The following DLC1 variants were observed in gnomAD, a reference collection of about 807,000 sequenced individuals.
DLC1 encodes the protein rho GTPase-activating protein 7.
A neutral mutation model predicts 140.3 loss-of-function variants in DLC1; 54 were observed. The observed-to-expected ratio is 0.38, with a 90% CI of 0.31 to 0.48. The LOEUF (loss-of-function observed/expected upper bound fraction) is 0.48, where lower values mean the gene tolerates loss of function less well. Among genes scored for constraint, DLC1 ranks in the 20% least tolerant of loss-of-function variants. The pLI, the probability that DLC1 is intolerant of heterozygous loss-of-function variation, is 0.96. For missense variants in DLC1, 2,536 were observed against 1,907.0 expected (o/e 1.33, Z -6.14); for synonymous variants, 986 against 728.1 (o/e 1.35, Z -5.70).
chr8:13,130,646 T>A (rs746660256), intron 5 of DLC1, among the ~76,000 whole-genome samples: 30 of 152,376 alleles, frequency 2.0e-4, no homozygotes, highest in Non-Finnish European at 5.9e-5. Flanking sequence ...TAATTGCTCA[T>A]CTATTCACTG....
At chr8:13,541,659 C>G (rs975278427) in intron 1 of DLC1, among the ~76,000 whole-genome samples, 7 of 152,156 alleles carry the variant, frequency 4.6e-5, no homozygotes, top group Non-Finnish European at 1.0e-4. Flanking sequence ...ATGCCATTCT[C>G]CAGCCTCAGC....
intron 6 of DLC1, among the ~76,000 whole-genome samples, chr8:13,112,923 T>A (rs1248220514): frequency 6.6e-6 from 1 of 152,096 alleles, no homozygotes; most frequent in Non-Finnish European, 1.5e-5. Flanking sequence ...ATTTACAGAG[T>A]ATAATATCAG....
chr8:13,276,254 C>G, intron 5 of DLC1: 1 of 1,535,346 alleles, frequency 6.5e-7, no homozygotes, highest in East Asian at 2.5e-5. Context: ...TCCCCCTCTG[C>G]CTCTCACCTG....
chr8:13,453,842 T>A (rs1215848882), intron 2 of DLC1, among the ~76,000 whole-genome samples: 1 of 151,976 alleles, frequency 6.6e-6, no homozygotes, highest in East Asian at 1.9e-4. Context: ...AGGATGTAAA[T>A]GTTTCTGATT....
chr8:13,129,266 G>A (rs762625121), intron 5 of DLC1, among the ~76,000 whole-genome samples: 10 of 152,182 alleles, frequency 6.6e-5, no homozygotes, highest in Non-Finnish European at 1.5e-4. Context: ...TCATCCATAT[G>A]CAAAGGCCAC....
chr8:13,551,868 A>ATG (rs1563435788), intron 1 of DLC1, among the ~76,000 whole-genome samples: 2 of 112,720 alleles, frequency 1.8e-5, no homozygotes, highest in African/African-American at 3.5e-5. Flanking sequence ...AAGTGTGTGT[A>ATG]TATATATATA....
chr8:13,101,345 T>C (rs1427032784), intron 8 of DLC1, among the ~76,000 whole-genome samples: 2 of 152,232 alleles, frequency 1.3e-5, no homozygotes, highest in Non-Finnish European at 2.9e-5. Context: ...TAATTGCTCA[T>C]AGAGGAAACC....
chr8:13,279,496 A>C (rs1257140688), intron 5 of DLC1, among the ~76,000 whole-genome samples: 1 of 152,210 alleles, frequency 6.6e-6, no homozygotes, highest in Non-Finnish European at 1.5e-5. Flanking sequence ...GCATAAATGT[A>C]AATTTTCTTG....
intron 5 of DLC1, among the ~76,000 whole-genome samples, chr8:13,211,172 T>G (rs1299932021): frequency 6.6e-6 from 1 of 152,122 alleles, no homozygotes; most frequent in Non-Finnish European, 1.5e-5. Context: ...GGAAGTTACA[T>G]TATGTGGTTC....
intron 3 of DLC1, among the ~76,000 whole-genome samples, chr8:13,399,107 T>G (rs1400345759): frequency 6.6e-6 from 1 of 152,178 alleles, no homozygotes; most frequent in African/African-American, 2.4e-5. Flanking sequence ...TGAACTTCCC[T>G]ACGGTATCAG....
chr8:13,173,368 C>CTTTTTT (rs35778236), intron 5 of DLC1, among the ~76,000 whole-genome samples: 13 of 103,516 alleles, frequency 1.3e-4, no homozygotes, highest in Non-Finnish European at 1.5e-4. Flanking sequence ...GTTCTGCCCT[C>CTTTTTT]TTTTTTTTTT....
intron 4 of DLC1, among the ~76,000 whole-genome samples, chr8:13,324,775 A>C (rs1833270642): frequency 1.3e-5 from 2 of 152,172 alleles, no homozygotes; most frequent in Admixed American, 1.3e-4. Flanking sequence ...CAGAGTCTTT[A>C]CTAAACTTGA....
intron 1 of DLC1, among the ~76,000 whole-genome samples, chr8:13,575,019 A>C (rs983123253): frequency 1.3e-5 from 2 of 152,224 alleles, no homozygotes; most frequent in African/African-American, 4.8e-5. Flanking sequence ...TAAATACACA[A>C]ATAGTCAATT....
intron 4 of DLC1, among the ~76,000 whole-genome samples, chr8:13,387,493 T>C (rs2117188592): frequency 6.6e-6 from 1 of 152,006 alleles, no homozygotes; most frequent in Admixed American, 6.6e-5. Flanking sequence ...ATTTCAAGAT[T>C]TTTTTTTCAG....
intron 4 of DLC1, among the ~76,000 whole-genome samples, chr8:13,328,514 G>T (rs905090955): frequency 2.0e-5 from 3 of 152,170 alleles, no homozygotes; most frequent in Non-Finnish European, 4.4e-5. Flanking sequence ...AGTGGACTAG[G>T]TCATCACAGG....
chr8:13,417,585 C>T (rs925931551), intron 2 of DLC1, among the ~76,000 whole-genome samples: 8 of 151,714 alleles, frequency 5.3e-5, no homozygotes, highest in Non-Finnish European at 1.2e-4. Flanking sequence ...GTATATGTGC[C>T]ACATTTTCTT....
intron 5 of DLC1, among the ~76,000 whole-genome samples, chr8:13,247,844 T>C (rs1404310023): frequency 2.0e-5 from 3 of 152,252 alleles, no homozygotes; most frequent in Non-Finnish European, 4.4e-5. Flanking sequence ...GATATTTTAC[T>C]AATATTATAG....
At chr8:13,576,057 G>T (rs1286236886) in intron 1 of DLC1, among the ~76,000 whole-genome samples, 3 of 152,146 alleles carry the variant, frequency 2.0e-5, no homozygotes, top group Non-Finnish European at 4.4e-5. Flanking sequence ...GCCAATTGTT[G>T]CCCAAATTGA....
At chr8:13,471,742 G>C (rs1170930868) in intron 2 of DLC1, among the ~76,000 whole-genome samples, 1 of 152,004 alleles carries the variant, frequency 6.6e-6, no homozygotes, top group Non-Finnish European at 1.5e-5. Context: ...GGGAGGAAAG[G>C]AGAAAGAGAG....
Sources: allele counts gnomAD v4.1 joint callset (sites outside exome capture counted in the v4.1 genomes callset), GRCh38; gene constraint gnomAD v4.1.1; transcripts MANE v1.5; gene names NCBI Gene and HGNC (gene_info 2026-07-23, HGNC 2026-07-21).